HERC4: variants seen among roughly 807,000 people sequenced by gnomAD.
The protein encoded by HERC4 is HECT and RLD domain containing E3 ubiquitin protein ligase 4, also known as probable E3 ubiquitin-protein ligase HERC4.
In HERC4, 28 loss-of-function variants were observed where a neutral mutation model predicts 124.3. That is an observed-to-expected ratio of 0.23 (90% confidence interval 0.17 to 0.31). The LOEUF (loss-of-function observed/expected upper bound fraction) is 0.31, where lower values mean the gene tolerates loss of function less well. Ranked by LOEUF, HERC4 falls within the 10% of genes least tolerant of loss-of-function variation. The probability of loss-of-function intolerance (pLI) is 1.00; values close to 1 mark genes in which losing one functional copy is unlikely to be tolerated. For synonymous variants in HERC4, 407 were observed against 421.5 expected, an observed-to-expected ratio of 0.97 and a Z score of 0.42; for missense variants, 713 against 1,229.3, an observed-to-expected ratio of 0.58 and a Z score of 6.28.
chr10:68,040,340 T>A (rs1164199412), intron 4 of HERC4: 1 of 952,032 alleles, frequency 1.1e-6, no homozygotes. Flanking sequence ...TCCCCTTTCA[T>A]CTTCATATAA....
intron 20 of HERC4, among the ~76,000 whole-genome samples, chr10:67,940,648 A>T (rs2032800644): frequency 6.6e-6 from 1 of 151,560 alleles, no homozygotes. Flanking sequence ...CGAACTCCTG[A>T]CCTCCACGCT....
At chr10:67,982,114 C>T (rs947223364) in intron 15 of HERC4, among the ~76,000 whole-genome samples, 1 of 152,082 alleles carries the variant, frequency 6.6e-6, no homozygotes, top group South Asian at 2.1e-4. Flanking sequence ...GAAACACAAT[C>T]CTAAAATTTA....
chr10:67,938,880 G>T (rs1000428105), intron 21 of HERC4, among the ~76,000 whole-genome samples: 1 of 152,134 alleles, frequency 6.6e-6, no homozygotes, highest in Non-Finnish European at 1.5e-5. Flanking sequence ...GGAGGCAAAG[G>T]TTGCAGTGAG....
intron 14 of HERC4, 100 bp downstream of exon 14, chr10:67,990,111 A>T: frequency 1.1e-6 from 1 of 919,112 alleles, no homozygotes; most frequent in Non-Finnish European, 1.6e-6. Flanking sequence ...AGACAGTGTC[A>T]AATAAGCAGG....
At chr10:67,977,587 T>C (rs2035672365) in intron 15 of HERC4, among the ~76,000 whole-genome samples, 4 of 152,014 alleles carry the variant, frequency 2.6e-5, no homozygotes. Context: ...CGTAGGAGGG[T>C]GAACAAATTC....
chr10:67,983,228 G>A (rs2036043866), intron 15 of HERC4, among the ~76,000 whole-genome samples: 3 of 152,282 alleles, frequency 2.0e-5, no homozygotes, highest in Admixed American at 2.0e-4. Context: ...AACAAATGCT[G>A]GCAAGGATGT....
chr10:68,073,648 A>G lies in HERC4; in HGVS notation c.-79+9T>C, dbSNP rs1412547079. ...CAATCCTAGTATAATTAAGCTTTCTAATACCTACCTCCACATCAACAGAAA... is the reference window on the plus strand; with the variant it reads ...CAATCCTAGTATAATTAAGCTTTCTGATACCTACCTCCACATCAACAGAAA... On this transcript the variant is annotated intron_variant, in intron 2 of 24. Coordinates refer to ENST00000373700, the MANE Select transcript of HERC4 (RefSeq NM_015601.4). 6.6e-6 allele frequency: 1 copy of G among 152,422 alleles called. No individual in the cohort carries two copies. Among genetic ancestry groups the G allele is most frequent in the African/African-American group, 2.4e-5 (1 of 41,456 alleles). 9.4% of individuals were successfully genotyped at this position (152,422 alleles called of 1,614,324 possible). A position where few individuals can be genotyped will look rare whatever the true frequency, so the allele number is the denominator to read the frequency against.
chr10:67,982,733 T>C (rs1238582817), intron 15 of HERC4, among the ~76,000 whole-genome samples: 1 of 152,112 alleles, frequency 6.6e-6, no homozygotes, highest in Admixed American at 6.5e-5. Flanking sequence ...AACCAGAATA[T>C]ATAAGGAGCT....
chr10:68,006,375 GT>G (rs772576805), intron 9 of HERC4, among the ~76,000 whole-genome samples: 10,312 of 133,884 alleles, frequency 0.077, 799 homozygotes, highest in African/African-American at 0.23. Context: ...TTTTGTTTTT[GT>G]TTTTTTTTTT....
At chr10:68,040,296 C>T in intron 4 of HERC4, 2 of 977,388 alleles carry the variant, frequency 2.0e-6, no homozygotes, top group Non-Finnish European at 2.4e-6. Context: ...GAAGTATATT[C>T]TTCTGCGTCA....
intron 7 of HERC4, among the ~76,000 whole-genome samples, chr10:68,032,454 T>C (rs911199658): frequency 6.6e-6 from 1 of 152,222 alleles, no homozygotes; most frequent in Non-Finnish European, 1.5e-5. Context: ...GATGCATATA[T>C]CATGGCAAGC....
intron 9 of HERC4, among the ~76,000 whole-genome samples, chr10:68,001,953 C>T (rs947727886): frequency 1.3e-5 from 2 of 152,088 alleles, no homozygotes; most frequent in Non-Finnish European, 2.9e-5. Context: ...ACTCATTCAT[C>T]TGCTGATGGA....
intron 7 of HERC4, among the ~76,000 whole-genome samples, chr10:68,027,522 A>C (rs112274953): frequency 0.014 from 2,167 of 152,334 alleles, 53 homozygotes; most frequent in African/African-American, 0.049. Context: ...CAAAATCAAT[A>C]CTAATTTCTT....
At chr10:67,992,090 T>A in intron 11 of HERC4, 109 bp downstream of exon 11, 3 of 968,942 alleles carry the variant, frequency 3.1e-6, no homozygotes, top group Non-Finnish European at 4.6e-6. Context: ...AGAGACAGGG[T>A]TTTGCCATGT....
intron 4 of HERC4, among the ~76,000 whole-genome samples, chr10:68,043,933 G>T (rs2039897435): frequency 6.6e-6 from 1 of 151,956 alleles, no homozygotes; most frequent in Non-Finnish European, 1.5e-5. Flanking sequence ...AATTAAATTG[G>T]GCTCACTGCT....
At chr10:67,996,754 G>A (rs1179664947) in intron 9 of HERC4, among the ~76,000 whole-genome samples, 1 of 151,992 alleles carries the variant, frequency 6.6e-6, no homozygotes, top group Non-Finnish European at 1.5e-5. Context: ...GGAGGCCAAG[G>A]TGGGTGGATC....
At chr10:67,946,266 A>G (rs1365497133) in intron 19 of HERC4, among the ~76,000 whole-genome samples, 1 of 151,086 alleles carries the variant, frequency 6.6e-6, no homozygotes, top group East Asian at 1.9e-4. Context: ...AAAAAGATGC[A>G]AGAGTAACTC....
At chr10:68,025,496 T>C in intron 8 of HERC4, 50 bp downstream of exon 8, 1 of 1,557,514 alleles carries the variant, frequency 6.4e-7, no homozygotes, top group Non-Finnish European at 8.7e-7. Flanking sequence ...AAGCAATCCC[T>C]AAACAACTGC....
chr10:68,010,176 G>T (rs2037854523), intron 9 of HERC4: 2 of 1,031,112 alleles, frequency 1.9e-6, no homozygotes, highest in South Asian at 1.3e-5. Flanking sequence ...CCCTCTCCCT[G>T]TATCCCATTC....
Sources: gnomAD v4.1 joint callset for allele counts (sites outside exome capture counted in the v4.1 genomes callset) on GRCh38, gnomAD v4.1.1 for gene constraint, MANE v1.5 for transcripts, NCBI Gene and HGNC (gene_info 2026-07-23, HGNC 2026-07-21) for gene names.